RAB7A: variants seen among roughly 807,000 people sequenced by gnomAD.
RAB7A encodes the protein RAB7A, member RAS oncogene family.
A neutral mutation model predicts 24.5 loss-of-function variants in RAB7A; 2 were observed. The observed-to-expected ratio is 0.08, with a 90% confidence interval of 0.03 to 0.26. The LOEUF is 0.26. Ranked by LOEUF, RAB7A falls within the 10% of genes least tolerant of loss-of-function variation. The pLI is 1.00. For missense variants in RAB7A, 118 were observed against 255.7 expected (o/e 0.46, Z 3.67); for synonymous variants, 100 against 95.9 (o/e 1.04, Z -0.25).
At chr3:128,767,763 A>G (rs77215403) in intron 1 of RAB7A, among the ~76,000 whole-genome samples, 5,936 of 152,272 alleles carry the variant, frequency 0.039, 192 homozygotes, top group African/African-American at 0.094. Flanking sequence ...AGATTCAGCA[A>G]TCGTGAATGC....
At chr3:128,782,878 T>A (rs904306002) in intron 1 of RAB7A, among the ~76,000 whole-genome samples, 2 of 152,194 alleles carry the variant, frequency 1.3e-5, no homozygotes, top group Non-Finnish European at 2.9e-5. Flanking sequence ...GCCAGAATTG[T>A]CAGCCCACCT....
intron 1 of RAB7A, among the ~76,000 whole-genome samples, chr3:128,731,833 C>T (rs2070440278): frequency 6.6e-6 from 1 of 151,838 alleles, no homozygotes; most frequent in Admixed American, 6.6e-5. Context: ...TGGTGAAACC[C>T]CGTCTATACT....
intron 3 of RAB7A, among the ~76,000 whole-genome samples, chr3:128,800,991 A>G (rs987940359): frequency 6.6e-6 from 1 of 152,216 alleles, no homozygotes; most frequent in Admixed American, 6.5e-5. Context: ...AGGAATCCTC[A>G]TGTGTTTTTC....
chr3:128,800,039 C>T (rs947510876), intron 3 of RAB7A, among the ~76,000 whole-genome samples: 1 of 151,952 alleles, frequency 6.6e-6, no homozygotes, highest in African/African-American at 2.4e-5. Flanking sequence ...GAAGTGAAAA[C>T]ATAGTATTGA....
chr3:128,773,867 A>G (rs1933014805), intron 1 of RAB7A, among the ~76,000 whole-genome samples: 1 of 152,034 alleles, frequency 6.6e-6, no homozygotes, highest in Admixed American at 6.5e-5. Context: ...TTTGTTAAAC[A>G]GATGCTTGAA....
At chr3:128,728,001 A>T (rs1049270782) in intron 1 of RAB7A, among the ~76,000 whole-genome samples, 7 of 151,880 alleles carry the variant, frequency 4.6e-5, no homozygotes, top group Admixed American at 1.3e-4. Context: ...TATTTAAGTG[A>T]GTAATAAGTA....
chr3:128,752,571 T>TA (rs2070697047), intron 1 of RAB7A, among the ~76,000 whole-genome samples: 1 of 152,050 alleles, frequency 6.6e-6, no homozygotes, highest in Admixed American at 6.5e-5. Flanking sequence ...AAAATCAGCT[T>TA]ACTGGGCTGT....
At chr3:128,787,994 A>G (rs1023486275) in intron 1 of RAB7A, among the ~76,000 whole-genome samples, 2 of 152,246 alleles carry the variant, frequency 1.3e-5, no homozygotes, top group African/African-American at 4.8e-5. Context: ...GATTACAGGC[A>G]TGAGCCACTG....
intron 1 of RAB7A, among the ~76,000 whole-genome samples, chr3:128,784,029 G>A (rs9832233): frequency 0.054 from 8,242 of 152,168 alleles, 636 homozygotes; most frequent in African/African-American, 0.17. Context: ...TTTGCTTTCC[G>A]TGTCTGGTGA....
intron 1 of RAB7A, among the ~76,000 whole-genome samples, chr3:128,747,790 A>G (rs1559781985): frequency 6.6e-6 from 1 of 150,714 alleles, no homozygotes; most frequent in Non-Finnish European, 1.5e-5. Context: ...GTTTTTTGAG[A>G]CGAGTCTCAC....
intron 1 of RAB7A, 131 bp downstream of exon 1, chr3:128,726,490 C>G (rs1031916730): frequency 1.3e-5 from 2 of 152,698 alleles, no homozygotes; most frequent in Non-Finnish European, 1.5e-5. Context: ...CGCGGGCACA[C>G]CCGGCATCGC....
At chr3:128,761,361 C>A (rs9841748) in intron 1 of RAB7A, among the ~76,000 whole-genome samples, 32,991 of 152,082 alleles carry the variant, frequency 0.22, 5,107 homozygotes, top group African/African-American at 0.43. Context: ...TAGTCAAAGT[C>A]CTCTATACCC....
chr3:128,781,561 A>G (rs962132703), intron 1 of RAB7A, among the ~76,000 whole-genome samples: 1 of 152,122 alleles, frequency 6.6e-6, no homozygotes. Context: ...CTGTAGTCCC[A>G]TCTGTTCAAG....
At chr3:128,739,386 T>G (rs1015674533) in intron 1 of RAB7A, among the ~76,000 whole-genome samples, 5 of 151,768 alleles carry the variant, frequency 3.3e-5, no homozygotes, top group African/African-American at 1.2e-4. Context: ...GGTGGTGCGC[T>G]CCTGTAATCC....
In RAB7A at chr3:128,809,936, C is replaced by CTTTTTTTTTTTTTTT. The variant is rs869119619; in HGVS notation, c.528+2281_528+2295dup. Among the ~76,000 whole-genome samples the CTTTTTTTTTTTTTTT allele has an allele frequency of 4.4e-3, 229 of 52,254 alleles. 70 individuals are homozygous for CTTTTTTTTTTTTTTT. The highest frequency in any genetic ancestry group is 5.3e-3 in the Non-Finnish European group (158 of 29,578). The allele number at this position is 52,254 out of a possible 152,430, so 34.3% of individuals were successfully genotyped here. ...GAGGCAAGTTTCCTCTTGCCACAGT[C>CTTTTTTTTTTTTTTT]TTTTTTTTTTTTTTTTTTTTTTTTT... On this transcript the variant is annotated intron_variant, in intron 5 of 5. Coordinates refer to ENST00000265062, the MANE Select transcript of RAB7A (RefSeq NM_004637.6).
At chr3:128,805,080 A>T (rs934546526) in intron 3 of RAB7A, among the ~76,000 whole-genome samples, 2 of 152,224 alleles carry the variant, frequency 1.3e-5, no homozygotes, top group African/African-American at 4.8e-5. Context: ...AGAACAAGAC[A>T]TGAACTCCTT....
At position 128,774,099 on chromosome 3, in the gene RAB7A, A is replaced by G. The variant is rs530121505; in HGVS notation, c.-8-21261A>G. Among the ~76,000 whole-genome samples the G allele has an allele frequency of 1.9e-4, 29 of 151,100 alleles. No homozygotes were observed. The East Asian group carries it at 4.1e-3, about 21-fold the overall frequency. ...CAATTAAAAAAAAAAAAAAAAAGAAAAAAAATTTTTTTAAATATAAGGTAA... is the reference window on the plus strand; with the variant it reads ...CAATTAAAAAAAAAAAAAAAAAGAAGAAAAATTTTTTTAAATATAAGGTAA... On this transcript the variant is annotated intron_variant, in intron 1 of 5. Coordinates refer to ENST00000265062, the MANE Select transcript of RAB7A (RefSeq NM_004637.6).
chr3:128,808,802 G>A lies in RAB7A; in HGVS notation c.528+1131G>A, dbSNP rs181831325. Among the ~76,000 whole-genome samples, 155 of 152,304 alleles carry A rather than the reference G, an allele frequency of 1.0e-3. 1 individual carries two copies. Among genetic ancestry groups the A allele is most frequent in the Middle Eastern group, 3.4e-3 (1 of 294 alleles). On this transcript the variant is annotated intron_variant, in intron 5 of 5. Transcript: ENST00000265062. The stretch of plus-strand genomic sequence containing the variant: ...TGTGAAGGGCAAGGCAGATTCTGCT[G>A]ACTCCAGGAAGCCGGCTGAATGAAG...
At chr3:128,805,678 G>C (rs1933787751) in intron 3 of RAB7A, among the ~76,000 whole-genome samples, 1 of 151,978 alleles carries the variant, frequency 6.6e-6, no homozygotes, top group South Asian at 2.1e-4. Context: ...TTGAGACAGA[G>C]TTTCGCTCTT....
Sources: gnomAD v4.1 joint callset for allele counts (sites outside exome capture counted in the v4.1 genomes callset) on GRCh38, gnomAD v4.1.1 for gene constraint, MANE v1.5 for transcripts, NCBI Gene and HGNC (gene_info 2026-07-23, HGNC 2026-07-21) for gene names.